PTER: variants seen among roughly 807,000 people sequenced by gnomAD.
PTER encodes phosphotriesterase related.
Under a neutral mutation model 29.6 loss-of-function variants are expected in PTER, and 38 were observed. That is an observed-to-expected ratio of 1.28 (90% CI 0.99 to 1.68). The LOEUF (loss-of-function observed/expected upper bound fraction) is 1.68. PTER is among the 40% of genes most tolerant of loss of function. The probability of loss-of-function intolerance (pLI) is 0.00; values close to 1 mark genes in which losing one functional copy is unlikely to be tolerated. For synonymous variants in PTER, 172 were observed against 154.5 expected (o/e 1.11, Z -0.84); for missense variants, 482 against 427.8 (o/e 1.13, Z -1.12).
At chr10:16,477,749 C>G (rs1835332873) in intron 1 of PTER, among the ~76,000 whole-genome samples, 1 of 152,130 alleles carries the variant, frequency 6.6e-6, no homozygotes, top group African/African-American at 2.4e-5. Flanking sequence ...CACACCACCT[C>G]AAGAATAGCC....
chr10:16,480,488 G>A (rs1835438856), intron 1 of PTER, among the ~76,000 whole-genome samples: 1 of 152,116 alleles, frequency 6.6e-6, no homozygotes, highest in Non-Finnish European at 1.5e-5. Flanking sequence ...GAGCCACTGT[G>A]CCTGACCTAA....
chr10:16,504,862 G>C (rs75303007), intron 3 of PTER, among the ~76,000 whole-genome samples, 158 bp from the exon 4 acceptor site: 2,980 of 152,288 alleles, frequency 0.02, 98 homozygotes, highest in African/African-American at 0.068. Flanking sequence ...TGAACTTACT[G>C]TTTTATACTC....
chr10:16,457,192 GTTGTT>G (rs1388832403), intron 1 of PTER, among the ~76,000 whole-genome samples: 49 of 150,002 alleles, frequency 3.3e-4, no homozygotes, highest in African/African-American at 1.1e-3. Flanking sequence ...TAACCCTTTA[GTTGTT>G]TTGTTTGTTT....
chr10:16,446,958 T>G (rs1357074859), intron 1 of PTER, among the ~76,000 whole-genome samples: 1 of 152,076 alleles, frequency 6.6e-6, no homozygotes. Flanking sequence ...CCAGCTAATT[T>G]TTGTATTTTT....
chr10:16,459,681 G>C lies in PTER; in HGVS notation c.-49+22634G>C, dbSNP rs111822612. On this transcript the variant is annotated intron_variant, in intron 1 of 4. Transcript: ENST00000535784. Reference sequence around the variant, plus strand: ...TCTAAATATAGTTGAGTTTTTGTTAGTAAGTATTTGCTTTGCACTTAGATA... The same window carrying C: ...TCTAAATATAGTTGAGTTTTTGTTACTAAGTATTTGCTTTGCACTTAGATA... Among the ~76,000 whole-genome samples the C allele has an allele frequency of 4.2e-3, 635 of 152,198 alleles. 9 individuals carry two copies. Among genetic ancestry groups the C allele is most frequent in the African/African-American group, 0.014 (595 of 41,522 alleles).
intron 2 of PTER, 140 bp downstream of exon 2, chr10:16,484,956 C>A: frequency 5.9e-6 from 5 of 854,624 alleles, no homozygotes; most frequent in Non-Finnish European, 8.6e-6. Flanking sequence ...GTTGGGGCCC[C>A]AGTTAGTAAC....
In PTER at chr10:16,484,702, C is replaced by T; in HGVS notation, c.318C>T (p.Asp106=). 6.2e-7 allele frequency: 1 copy of T among 1,614,156 alleles called. No homozygotes were observed. Among genetic ancestry groups the T allele is most frequent in the Middle Eastern group, 1.6e-4 (1 of 6,062 alleles). ...ACACAACCACTGGGATTAGCCGAGA[C>T]ACACAGACGTTGAAGAGGCTTGCAG... ...VENTTTGISR[D]TQTLKRLAEE... is the part of the protein sequence containing the mutation. Residue 106 remains aspartate, a synonymous_variant, in exon 2 of 5, where the codon GAC becomes GAT. Coordinates refer to ENST00000535784, the MANE Select transcript of PTER (RefSeq NM_001261836.2).
chr10:16,466,581 C>T (rs1021452252), intron 1 of PTER, among the ~76,000 whole-genome samples: 15 of 152,202 alleles, frequency 9.9e-5, no homozygotes, highest in Admixed American at 9.2e-4. Flanking sequence ...GTCTCAAACT[C>T]CTGGCCTCAA....
intron 4 of PTER, among the ~76,000 whole-genome samples, chr10:16,506,999 G>C (rs564810259): frequency 1.3e-5 from 2 of 151,722 alleles, no homozygotes; most frequent in Admixed American, 6.6e-5. Flanking sequence ...AGTTGTGTGC[G>C]TACAAGCAGA....
intron 1 of PTER, among the ~76,000 whole-genome samples, chr10:16,448,068 C>T (rs912106592): frequency 6.6e-6 from 1 of 152,132 alleles, no homozygotes; most frequent in Non-Finnish European, 1.5e-5. Flanking sequence ...ACTTGATGAC[C>T]CATAGTTAAA....
intron 1 of PTER, among the ~76,000 whole-genome samples, chr10:16,475,794 C>T (rs1166901698): frequency 6.6e-6 from 1 of 152,156 alleles, no homozygotes; most frequent in African/African-American, 2.4e-5. Flanking sequence ...GTTGTGATGT[C>T]AATTGCAGCT....
intron 1 of PTER, among the ~76,000 whole-genome samples, chr10:16,450,938 G>C (rs191644499): frequency 3.0e-4 from 45 of 152,254 alleles, no homozygotes; most frequent in Admixed American, 1.4e-3. Flanking sequence ...AGGACTATCA[G>C]CGTTCTCCAT....
intron 1 of PTER, among the ~76,000 whole-genome samples, chr10:16,473,319 C>T (rs978665073): frequency 6.6e-6 from 1 of 152,018 alleles, no homozygotes; most frequent in African/African-American, 2.4e-5. Context: ...TACTGTGGAA[C>T]CTCATGATAT....
intron 1 of PTER, among the ~76,000 whole-genome samples, chr10:16,483,190 T>C (rs1835545102): frequency 6.6e-6 from 1 of 152,246 alleles, no homozygotes; most frequent in Admixed American, 6.5e-5. Context: ...GAACACTTAA[T>C]TTGTGCTACA....
chr10:16,441,920 C>T (rs572330952), intron 1 of PTER, among the ~76,000 whole-genome samples: 22 of 151,526 alleles, frequency 1.5e-4, no homozygotes, highest in African/African-American at 3.6e-4. Context: ...ACTTATTAAA[C>T]GGGTGGGATG....
intron 1 of PTER, among the ~76,000 whole-genome samples, chr10:16,443,836 C>A (rs75404070): frequency 0.029 from 4,447 of 152,170 alleles, 229 homozygotes; most frequent in African/African-American, 0.1. Context: ...CAAAAAGGGC[C>A]AGAGGATCGC....
chr10:16,437,725 A>T (rs1018839687), intron 1 of PTER, among the ~76,000 whole-genome samples: 1 of 152,194 alleles, frequency 6.6e-6, no homozygotes, highest in Non-Finnish European at 1.5e-5. Context: ...GAAGGATTCT[A>T]GTGATAACGA....
chr10:16,480,906 C>T (rs1474733307), intron 1 of PTER, among the ~76,000 whole-genome samples: 3 of 152,180 alleles, frequency 2.0e-5, no homozygotes, highest in African/African-American at 4.8e-5. Context: ...TTTAAACATG[C>T]GTATTTTAAA....
chr10:16,451,354 T>C (rs1834202698), intron 1 of PTER, among the ~76,000 whole-genome samples: 1 of 152,208 alleles, frequency 6.6e-6, no homozygotes, highest in Admixed American at 6.5e-5. Context: ...AACTATACTT[T>C]GCATCCTTCA....
Sources: gnomAD v4.1 joint callset for allele counts (sites outside exome capture counted in the v4.1 genomes callset) on GRCh38, gnomAD v4.1.1 for gene constraint, MANE v1.5 for transcripts, NCBI Gene and HGNC (gene_info 2026-07-23, HGNC 2026-07-21) for gene names.